Variants in ZNF536 observed in about 807,000 individuals in gnomAD.
ZNF536 encodes zinc finger protein 536.
Under a neutral mutation model 84.5 loss-of-function variants are expected in ZNF536, and 13 were observed. The ratio of observed to expected loss-of-function variants is 0.15; its 90% confidence interval spans 0.10 to 0.24. ZNF536 has a LOEUF of 0.24. Ranked by LOEUF, ZNF536 falls within the 10% of genes least tolerant of loss-of-function variation. The pLI is 1.00. For synonymous variants in ZNF536, 811 were observed against 742.5 expected (o/e 1.09, Z -1.50); for missense variants, 1,536 against 1,747.5 (o/e 0.88, Z 2.16).
intron 1 of ZNF536, among the ~76,000 whole-genome samples, chr19:30,238,672 A>ATCTG (rs947104591): frequency 1.3e-4 from 19 of 151,208 alleles, no homozygotes; most frequent in African/African-American, 2.2e-4. Context: ...CTCTCTATCT[A>ATCTG]TCTGTCTGTC....
chr19:30,340,410 C>T lies in ZNF536; in HGVS notation c.-119-11958C>T, dbSNP rs558244350. ...CAGCCCCTGGACTCCCCCTACAGTG[C>T]TCCCTGCTTTGGGTGTCAATATCCC... On this transcript the variant is annotated intron_variant, in intron 2 of 5. Transcript: ENST00000585628. Among the ~76,000 whole-genome samples the T allele has an allele frequency of 3.3e-5, 5 of 152,348 alleles. No homozygotes were observed. The East Asian group carries it at 9.7e-4, about 29-fold the overall frequency.
chr19:30,550,311 A>C (rs1294963943), intron 4 of ZNF536, among the ~76,000 whole-genome samples: 1 of 152,206 alleles, frequency 6.6e-6, no homozygotes, highest in Non-Finnish European at 1.5e-5. Context: ...ATTTCCGAAC[A>C]TCATTGTAAG....
chr19:30,681,867 G>A (rs1188378004), intron 1 of ZNF536, among the ~76,000 whole-genome samples: 2 of 152,140 alleles, frequency 1.3e-5, no homozygotes, highest in African/African-American at 4.8e-5. Context: ...TCTGGAATCC[G>A]CAATGGTGTC....
At chr19:30,573,154 G>T (rs2046612179) in intron 1 of ZNF536, among the ~76,000 whole-genome samples, 1 of 152,206 alleles carries the variant, frequency 6.6e-6, no homozygotes, top group Admixed American at 6.5e-5. Context: ...TAAGTGAACA[G>T]GATTTCCAAG....
intron 1 of ZNF536, among the ~76,000 whole-genome samples, chr19:30,638,927 A>C (rs1299651952): frequency 5.9e-5 from 9 of 152,166 alleles, no homozygotes; most frequent in African/African-American, 9.7e-5. Flanking sequence ...TAGTCTCACA[A>C]TTTCCAGTTG....
chr19:30,281,237 C>G (rs1303549211), intron 1 of ZNF536, among the ~76,000 whole-genome samples: 2 of 152,180 alleles, frequency 1.3e-5, no homozygotes, highest in Non-Finnish European at 2.9e-5. Flanking sequence ...TCCTCGCTCC[C>G]CAGCAGCCTG....
intron 2 of ZNF536, among the ~76,000 whole-genome samples, chr19:30,309,053 A>G (rs1322623029): frequency 6.6e-6 from 1 of 152,214 alleles, no homozygotes; most frequent in East Asian, 1.9e-4. Context: ...ACCCTGGTCT[A>G]GGAAAAAAGT....
chr19:30,711,161 T>TA (rs11323514), exon 2 of ZNF536: 108 of 147,846 alleles, frequency 7.3e-4, no homozygotes, highest in African/African-American at 1.4e-3. Context: ...ATATATATAT[T>TA]AAAAAAAAAA....
chr19:30,518,971 G>T (rs1351055775), intron 2 of ZNF536, among the ~76,000 whole-genome samples: 1 of 152,202 alleles, frequency 6.6e-6, no homozygotes, highest in Admixed American at 6.5e-5. Context: ...TTGCTTCCTT[G>T]TTCTGGTGGT....
chr19:30,370,695 C>T (rs190250551), upstream of ZNF536, among the ~76,000 whole-genome samples: 13 of 152,262 alleles, frequency 8.5e-5, no homozygotes, highest in African/African-American at 3.1e-4. Flanking sequence ...AATATCAATA[C>T]TTAACAGCAA....
intron 1 of ZNF536, among the ~76,000 whole-genome samples, chr19:30,262,331 T>C (rs1255763637): frequency 1.3e-5 from 2 of 152,228 alleles, no homozygotes; most frequent in East Asian, 3.9e-4. Context: ...GCTGTACCAC[T>C]GAGTTTCCCT....
chr19:30,589,582 C>A (rs928752109), intron 1 of ZNF536, among the ~76,000 whole-genome samples: 2 of 152,008 alleles, frequency 1.3e-5, no homozygotes, highest in African/African-American at 2.4e-5. Context: ...TGGGGGTGAT[C>A]TCAGGAAGCA....
chr19:30,658,907 G>C (rs890088376), intron 1 of ZNF536, among the ~76,000 whole-genome samples: 2 of 152,168 alleles, frequency 1.3e-5, no homozygotes, highest in African/African-American at 2.4e-5. Context: ...CTAACATTTG[G>C]CCTAGTTGTT....
chr19:30,529,079 G>T (rs1238595484), intron 2 of ZNF536, among the ~76,000 whole-genome samples: 2 of 152,070 alleles, frequency 1.3e-5, no homozygotes, highest in Non-Finnish European at 2.9e-5. Context: ...TGGATATTAG[G>T]GACCCGGGAG....
intron 3 of ZNF536, among the ~76,000 whole-genome samples, chr19:30,546,133 TC>T (rs1354364965): frequency 6.6e-6 from 1 of 152,180 alleles, no homozygotes; most frequent in East Asian, 1.9e-4. Context: ...AGCCATGACA[TC>T]CTGCTGCCCA....
chr19:30,359,149 T>C (rs1423180700), intron 3 of ZNF536, among the ~76,000 whole-genome samples: 1 of 152,098 alleles, frequency 6.6e-6, no homozygotes, highest in East Asian at 1.9e-4. Flanking sequence ...TTTTAAAAAT[T>C]TGTCTCTGTT....
At chr19:30,446,587 G>T (rs980225576) in intron 2 of ZNF536, among the ~76,000 whole-genome samples, 2 of 151,962 alleles carry the variant, frequency 1.3e-5, no homozygotes, top group Admixed American at 6.6e-5. Context: ...TTACAACGTG[G>T]CTCACCTGCC....
At chr19:30,638,074 C>T (rs928404764) in intron 1 of ZNF536, among the ~76,000 whole-genome samples, 2 of 152,122 alleles carry the variant, frequency 1.3e-5, no homozygotes, top group Non-Finnish European at 2.9e-5. Context: ...TTCCAGTCTG[C>T]ATCAAACAAC....
intron 1 of ZNF536, among the ~76,000 whole-genome samples, chr19:30,649,950 CTT>C (rs879260241): frequency 5.3e-5 from 8 of 151,874 alleles, no homozygotes; most frequent in Non-Finnish European, 7.4e-5. Context: ...AGATTAGAGA[CTT>C]TATTTTCAGG....
Sources: allele counts gnomAD v4.1 joint callset (sites outside exome capture counted in the v4.1 genomes callset), GRCh38; gene constraint gnomAD v4.1.1; transcripts MANE v1.5; gene names NCBI Gene and HGNC (gene_info 2026-07-23, HGNC 2026-07-21).